Variants in HDHD5 observed in about 807,000 individuals in gnomAD.
The protein encoded by HDHD5 is haloacid dehalogenase like hydrolase domain containing 5.
Under a neutral mutation model 35.5 loss-of-function variants are expected in HDHD5, and 34 were observed. The observed-to-expected ratio is 0.96, with a 90% confidence interval of 0.73 to 1.28. HDHD5 has a LOEUF of 1.28. Ranked by LOEUF, HDHD5 falls within the 50% of genes most tolerant of loss-of-function variation. The pLI is 0.00. For synonymous variants in HDHD5, 248 were observed against 240.6 expected (o/e 1.03, Z -0.29); for missense variants, 589 against 560.2 (o/e 1.05, Z -0.52).
At chr22:17,160,131 A>G (rs1430464900), upstream of HDHD5, among the ~76,000 whole-genome samples, 1 of 152,242 alleles carries the variant, frequency 6.6e-6, no homozygotes, top group East Asian at 1.9e-4. Flanking sequence ...ATTCATAGGT[A>G]TAGCTATGCT....
intron 6 of HDHD5, 99 bp from the exon 7 acceptor site, chr22:17,138,837 C>T: frequency 7.5e-7 from 1 of 1,342,054 alleles, no homozygotes; most frequent in South Asian, 1.3e-5. Flanking sequence ...CACAGACCAG[C>T]CTTTTCCCCA....
Position 17,138,876 on chromosome 22 carries a change from G to A in HDHD5, c.747-138C>T, listed in dbSNP as rs1382624768. ...TAAGAGCTGACATGTAGCAGACACT[G>A]TGCAGGCACTGGAGGCAGCATTTCA... On this transcript the variant is annotated intron_variant, in intron 6 of 7. Coordinates refer to ENST00000336737, the MANE Select transcript of HDHD5 (RefSeq NM_033070.3). 3.6e-6 allele frequency: 3 copies of A among 836,210 alleles called. No individual in the cohort carries two copies. The East Asian group carries it at 7.7e-5, about 21-fold the overall frequency. 51.8% of individuals were successfully genotyped at this position (836,210 alleles called of 1,614,324 possible).
exon 1 of HDHD5, chr22:17,165,265 T>C: frequency 1.3e-6 from 1 of 772,910 alleles, no homozygotes; most frequent in South Asian, 1.4e-5. Flanking sequence ...CCTCTCCTCT[T>C]TAGGAGCCAG....
chr22:17,137,798 A>C lies in HDHD5; in HGVS notation c.*223T>G. 157 of 497,918 alleles carry C rather than the reference A, an allele frequency of 3.2e-4. No homozygotes were observed. The highest frequency in any genetic ancestry group is 3.8e-4 in the East Asian group (11 of 29,040). The allele number at this position is 497,918 out of a possible 1,614,324, so 30.8% of individuals were successfully genotyped here. On this transcript the variant is annotated 3_prime_UTR_variant, in exon 8 of 8. Transcript: ENST00000336737. ...AGACTGCCACGAAAGGCACGTGGGAACTGGGCCCAGAAAATTCCAACCGTT... is the reference window on the plus strand; with the variant it reads ...AGACTGCCACGAAAGGCACGTGGGACCTGGGCCCAGAAAATTCCAACCGTT...
In HDHD5 at chr22:17,141,231, C is replaced by T. The variant is rs1399234587; in HGVS notation, c.574G>A (p.Val192Met). 2 of 1,589,490 alleles carry T rather than the reference C, an allele frequency of 1.3e-6. No individual in the cohort carries two copies. Among genetic ancestry groups the T allele is most frequent in the Middle Eastern group, 1.7e-4 (1 of 5,982 alleles). ...PRNDFPRIEG[V>M]LLLGEPVRWE... Reference sequence around the variant, plus strand: ...CGGACCGGCTCCCCTAGGAGGAGCACCCCTTTAAAGAACAGAGGCGCAGGT... The same window carrying T: ...CGGACCGGCTCCCCTAGGAGGAGCATCCCTTTAAAGAACAGAGGCGCAGGT... The change falls in exon 6 of 8, where the codon GTG becomes ATG. Residue 192 changes from valine (V) to methionine (M), a missense_variant and splice_region_variant. Transcript: ENST00000336737.
At chr22:17,156,784 A>AC (rs988093340) in intron 1 of HDHD5, among the ~76,000 whole-genome samples, 6 of 151,494 alleles carry the variant, frequency 4.0e-5, no homozygotes, top group Non-Finnish European at 1.5e-5. Flanking sequence ...CGTCTCAAAA[A>AC]AAAAAAAAAA....
intron 3 of HDHD5, among the ~76,000 whole-genome samples, chr22:17,146,427 A>G (rs1360658338): frequency 3.8e-5 from 5 of 132,806 alleles, no homozygotes; most frequent in Non-Finnish European, 8.1e-5. Context: ...CACCTGTGGC[A>G]CACTCCTGTG....
At chr22:17,140,752 C>T (rs1185542936) in intron 6 of HDHD5, among the ~76,000 whole-genome samples, 1 of 152,140 alleles carries the variant, frequency 6.6e-6, no homozygotes, top group Non-Finnish European at 1.5e-5. Context: ...AAAGTGCCCA[C>T]GGTTTGGGAT....
chr22:17,165,074 A>G, intron 1 of HDHD5: 2 of 678,586 alleles, frequency 2.9e-6, no homozygotes, highest in Non-Finnish European at 2.7e-6. Flanking sequence ...TTGCTGAGGG[A>G]GAATTCTGAG....
At chr22:17,138,808 A>G (rs1482966618) in intron 6 of HDHD5, 70 bp from the exon 7 acceptor site, 1 of 1,562,060 alleles carries the variant, frequency 6.4e-7, no homozygotes, top group Non-Finnish European at 8.8e-7. Flanking sequence ...CACGACTGCC[A>G]CTGTCTAAGC....
chr22:17,144,497 T>TCTGC (rs927112113), intron 4 of HDHD5, among the ~76,000 whole-genome samples: 12 of 147,382 alleles, frequency 8.1e-5, no homozygotes, highest in African/African-American at 2.7e-4. Flanking sequence ...CACTGCAACC[T>TCTGC]CTGCCTCCCA....
chr22:17,152,665 G>A (rs1174113046), intron 1 of HDHD5, among the ~76,000 whole-genome samples: 2 of 152,070 alleles, frequency 1.3e-5, no homozygotes, highest in East Asian at 3.9e-4. Context: ...GCCTCTCAGA[G>A]AACCAGGAAG....
upstream of HDHD5, among the ~76,000 whole-genome samples, chr22:17,160,231 G>T (rs756497206): frequency 2.0e-4 from 30 of 152,306 alleles, no homozygotes; most frequent in Middle Eastern, 3.4e-3. Flanking sequence ...ACATTAGCAG[G>T]CCAGGGTGCG....
chr22:17,158,601 C>G (rs1203279970), intron 1 of HDHD5: 1 of 152,372 alleles, frequency 6.6e-6, no homozygotes, highest in Non-Finnish European at 1.5e-5. Flanking sequence ...CCGCGCCGGG[C>G]ACACAGCAGG....
At chr22:17,150,158 T>C (rs1238927482) in intron 1 of HDHD5, among the ~76,000 whole-genome samples, 1 of 152,198 alleles carries the variant, frequency 6.6e-6, no homozygotes, top group Non-Finnish European at 1.5e-5. Context: ...TTCCCCTTTT[T>C]TCTCTATTCT....
rs1433713482 is a variant in HDHD5 at position 17,141,349 on chromosome 22, G to A, written c.572-116C>T. The A allele has an allele frequency of 3.5e-6, 5 of 1,439,006 alleles. No individual in the cohort carries two copies. The East Asian group carries it at 1.2e-4, about 33-fold the overall frequency. The allele number at this position is 1,439,006 out of a possible 1,614,324, so 89.1% of individuals were successfully genotyped here. A position where few individuals can be genotyped will look rare whatever the true frequency, so the allele number is the denominator to read the frequency against. On this transcript the variant is annotated intron_variant, in intron 5 of 7. Transcript: ENST00000336737. ...CCCTCCACCCATGGTGCACCCAGCTGGGCAGGGGCACAGCTCCCCAACAAG... is the reference window on the plus strand; with the variant it reads ...CCCTCCACCCATGGTGCACCCAGCTAGGCAGGGGCACAGCTCCCCAACAAG...
intron 5 of HDHD5, 68 bp downstream of exon 5, chr22:17,143,030 G>A: frequency 6.4e-7 from 1 of 1,571,680 alleles, no homozygotes; most frequent in Non-Finnish European, 8.7e-7. Context: ...GTCACACTGA[G>A]ACAGCCTGAG....
chr22:17,156,779 CAAA>C (rs60997541), intron 1 of HDHD5, among the ~76,000 whole-genome samples: 2 of 92,226 alleles, frequency 2.2e-5, no homozygotes, highest in Non-Finnish European at 2.3e-5. Flanking sequence ...GACTCCGTCT[CAAA>C]AAAAAAAAAA....
At chr22:17,153,825 T>C (rs1385239712) in intron 1 of HDHD5, among the ~76,000 whole-genome samples, 1 of 151,914 alleles carries the variant, frequency 6.6e-6, no homozygotes, top group Non-Finnish European at 1.5e-5. Context: ...AATAGATACT[T>C]CCCGACCACC....
Sources: gnomAD v4.1 joint callset for allele counts (sites outside exome capture counted in the v4.1 genomes callset) on GRCh38, gnomAD v4.1.1 for gene constraint, MANE v1.5 for transcripts, NCBI Gene and HGNC (gene_info 2026-07-23, HGNC 2026-07-21) for gene names.